PRIMA1: variants seen among roughly 807,000 people sequenced by gnomAD.
PRIMA1 encodes proline rich membrane anchor 1.
A neutral mutation model predicts 17.5 loss-of-function variants in PRIMA1; 7 were observed. That is an observed-to-expected ratio of 0.40 (90% CI 0.23 to 0.75). PRIMA1 has a LOEUF of 0.75. Among genes scored for constraint, PRIMA1 ranks in the 30% least tolerant of loss-of-function variants. PRIMA1 has a pLI of 0.37. For missense variants in PRIMA1, 200 were observed against 201.8 expected (o/e 0.99, Z 0.05); for synonymous variants, 97 against 77.9 (o/e 1.25, Z -1.29).
At chr14:93,752,321 C>G (rs546515725) in intron 3 of PRIMA1, among the ~76,000 whole-genome samples, 49 of 152,302 alleles carry the variant, frequency 3.2e-4, no homozygotes, top group Non-Finnish European at 4.7e-4. Flanking sequence ...AGTAAAGTCA[C>G]AGTCAGGGCT....
At position 93,754,919 on chromosome 14, in the gene PRIMA1, A is replaced by C. The variant is rs374992140; in HGVS notation, c.230-17549T>G. On this transcript the variant is annotated intron_variant, in intron 3 of 4. Coordinates refer to ENST00000393140, the MANE Select transcript of PRIMA1 (RefSeq NM_178013.4). ...ACCAGCCACGTCCACCTGCTTTAGAAAACCAAAGTTACCAGAAGCAAGCGC... is the reference window on the plus strand; with the variant it reads ...ACCAGCCACGTCCACCTGCTTTAGACAACCAAAGTTACCAGAAGCAAGCGC... 4.6e-5 allele frequency among the ~76,000 whole-genome samples: 7 copies of C among 152,306 alleles called. No individual in the cohort carries two copies. The East Asian group carries it at 9.6e-4, about 21-fold the overall frequency.
At chr14:93,733,727 A>G (rs2076130561) in intron 4 of PRIMA1, among the ~76,000 whole-genome samples, 1 of 152,246 alleles carries the variant, frequency 6.6e-6, no homozygotes, top group African/African-American at 2.4e-5. Flanking sequence ...TTTTGCAGTG[A>G]CATGAGATAC....
intron 3 of PRIMA1, among the ~76,000 whole-genome samples, chr14:93,742,333 T>C (rs564009632): frequency 2.0e-5 from 3 of 152,286 alleles, no homozygotes; most frequent in Admixed American, 6.5e-5. Flanking sequence ...TTGGAGAGAT[T>C]CAGCTGAGAG....
chr14:93,770,342 T>C (rs921861476), intron 3 of PRIMA1, among the ~76,000 whole-genome samples: 1 of 152,162 alleles, frequency 6.6e-6, no homozygotes, highest in African/African-American at 2.4e-5. Context: ...TCAGATAAAA[T>C]CCAAACTCCT....
intron 2 of PRIMA1, among the ~76,000 whole-genome samples, chr14:93,780,050 G>A (rs554358461): frequency 6.6e-5 from 10 of 152,292 alleles, no homozygotes; most frequent in Middle Eastern, 3.4e-3. Flanking sequence ...CAACCTCTCC[G>A]GCCCCACCTC....
At chr14:93,772,144 G>A (rs955134488) in intron 3 of PRIMA1, among the ~76,000 whole-genome samples, 2 of 152,214 alleles carry the variant, frequency 1.3e-5, no homozygotes, top group African/African-American at 2.4e-5. Context: ...TGGGTAAAAA[G>A]GAAGCATCTT....
upstream of PRIMA1, among the ~76,000 whole-genome samples, chr14:93,788,923 C>T (rs1001130540): frequency 6.6e-6 from 1 of 152,150 alleles, no homozygotes; most frequent in Non-Finnish European, 1.5e-5. Context: ...GGTGCCCGAG[C>T]TCTCTACTAC....
rs766654535 is a variant in PRIMA1 at position 93,779,318 on chromosome 14, A to C, written c.94-7T>G. On this transcript the variant is annotated splice_region_variant and splice_polypyrimidine_tract_variant and intron_variant, in intron 2 of 4. Transcript: ENST00000393140. ...GGGGCTCACCATGCGTCACCTGTAC[A>C]CATGGGCACACGTACCCAAGAGAGA... The C allele has an allele frequency of 1.9e-6, 3 of 1,544,760 alleles. No individual in the cohort carries two copies. In the South Asian group the frequency reaches 3.8e-5, roughly 19 times the overall value.
In PRIMA1 at chr14:93,755,353, TC is replaced by T. The variant is rs199934876; in HGVS notation, c.230-17984del. ...CACATCGGTGTGATGGGGGCCACCT[TC>T]TTTTTTTTACGAGCTGAATGGATGT... On this transcript the variant is annotated intron_variant, in intron 3 of 4. Transcript: ENST00000393140. Among the ~76,000 whole-genome samples, 1,097 of 152,274 alleles carry T rather than the reference TC, an allele frequency of 7.2e-3. 11 individuals are homozygous for T. Among genetic ancestry groups the T allele is most frequent in the African/African-American group, 0.025 (1,036 of 41,540 alleles).
chr14:93,728,200 G>A (rs1435790144), intron 4 of PRIMA1, among the ~76,000 whole-genome samples: 3 of 152,166 alleles, frequency 2.0e-5, no homozygotes, highest in South Asian at 4.1e-4. Flanking sequence ...TGCACACAAC[G>A]GACTCATATG....
chr14:93,787,590 G>A, intron 2 of PRIMA1, 36 bp downstream of exon 2: 2 of 1,537,806 alleles, frequency 1.3e-6, no homozygotes, highest in South Asian at 1.2e-5. Flanking sequence ...TTACCCAGGA[G>A]GCCCTCCCAG....
At chr14:93,788,584 C>T (rs61732481), upstream of PRIMA1, 69 of 152,418 alleles carry the variant, frequency 4.5e-4, no homozygotes, top group Non-Finnish European at 8.5e-4. Context: ...TGCGCGGGCG[C>T]CCGGGGGCTT....
intron 4 of PRIMA1, among the ~76,000 whole-genome samples, chr14:93,729,837 C>G (rs919696995): frequency 2.0e-5 from 3 of 151,084 alleles, no homozygotes; most frequent in African/African-American, 7.3e-5. Context: ...GAGGGGACCG[C>G]TGAGTCAGGG....
intron 3 of PRIMA1, among the ~76,000 whole-genome samples, chr14:93,741,907 C>T (rs1013873147): frequency 1.3e-5 from 2 of 152,104 alleles, no homozygotes; most frequent in Admixed American, 6.5e-5. Flanking sequence ...TTGTCTTCCC[C>T]GAGGCTCAGT....
chr14:93,738,165 C>T (rs1293409159), intron 3 of PRIMA1, among the ~76,000 whole-genome samples: 1 of 152,158 alleles, frequency 6.6e-6, no homozygotes, highest in African/African-American at 2.4e-5. Context: ...CACTGGTGCT[C>T]CAGGGCCCTC....
chr14:93,785,188 CAAAAAAA>C (rs386382197), intron 2 of PRIMA1, among the ~76,000 whole-genome samples: 6 of 110,060 alleles, frequency 5.5e-5, no homozygotes, highest in Admixed American at 2.0e-4. Flanking sequence ...TCTTCTCTTT[CAAAAAAA>C]AAAAAAAAAA....
rs1000407112 is a variant in PRIMA1, at chr14:93,737,364, T to C, written c.236A>G (p.Asn79Ser). 2 of 1,613,510 alleles carry C rather than the reference T, an allele frequency of 1.2e-6. No individual in the cohort carries two copies. The highest frequency in any genetic ancestry group is 1.7e-5 in the Admixed American group (1 of 59,920). ...PPRLLSAPAPNSTSCPTEESW... is the reference protein window; with the variant it reads ...PPRLLSAPAPSSTSCPTEESW... ...TTCCTCAGTGGGGCAAGAGGTAGAGTTGGGAGCTGAAAAAGACAGGAGCAG... is the reference window on the plus strand; with the variant it reads ...TTCCTCAGTGGGGCAAGAGGTAGAGCTGGGAGCTGAAAAAGACAGGAGCAG... The change falls in exon 4 of 5, where the codon AAC becomes AGC. Residue 79 changes from asparagine (N) to serine (S), a missense_variant. By Grantham distance (46) the Asn-to-Ser change is conservative (BLOSUM62 1). Coordinates refer to ENST00000393140, the MANE Select transcript of PRIMA1 (RefSeq NM_178013.4).
At chr14:93,729,733 A>T (rs993087052) in intron 4 of PRIMA1, among the ~76,000 whole-genome samples, 1 of 152,194 alleles carries the variant, frequency 6.6e-6, no homozygotes, top group East Asian at 1.9e-4. Context: ...GAGGAAGAAG[A>T]GGAGGTAGAT....
chr14:93,768,180 T>C (rs1884949903), intron 3 of PRIMA1, among the ~76,000 whole-genome samples: 1 of 152,124 alleles, frequency 6.6e-6, no homozygotes, highest in Non-Finnish European at 1.5e-5. Flanking sequence ...TGTCCCTTTT[T>C]CCACCTCAAT....
Sources: gnomAD v4.1 joint callset for allele counts (sites outside exome capture counted in the v4.1 genomes callset) on GRCh38, gnomAD v4.1.1 for gene constraint, MANE v1.5 for transcripts, NCBI Gene and HGNC (gene_info 2026-07-23, HGNC 2026-07-21) for gene names.